The following CTR9 variants were observed in gnomAD, a reference collection of about 807,000 sequenced individuals.
CTR9 encodes the protein RNA polymerase-associated protein CTR9 homolog.
A neutral mutation model predicts 152.1 loss-of-function variants in CTR9; 41 were observed. The observed-to-expected ratio is 0.27, with a 90% confidence interval of 0.21 to 0.35. The LOEUF (loss-of-function observed/expected upper bound fraction) is 0.35, where lower values mean the gene tolerates loss of function less well. Among genes scored for constraint, CTR9 ranks in the 10% least tolerant of loss-of-function variants. CTR9 has a pLI of 1.00. For synonymous variants in CTR9, 476 were observed against 496.2 expected, an observed-to-expected ratio of 0.96 and a Z score of 0.54; for missense variants, 917 against 1,424.4, an observed-to-expected ratio of 0.64 and a Z score of 5.73.
rs1316300982 is a variant in CTR9, at chr11:10,766,451, G to A, written c.1647G>A (p.Glu549=). 2 of 1,610,832 alleles carry A rather than the reference G, an allele frequency of 1.2e-6. No homozygotes were observed. Among genetic ancestry groups the A allele is most frequent in the East Asian group, 4.5e-5 (2 of 44,770 alleles). The change falls in exon 13 of 25, where the codon GAG becomes GAA. Residue 549 remains glutamate (E), a synonymous_variant. Transcript: ENST00000361367. ...AMARDKGNFY[E]ASDWFKEALQ... is the part of the protein sequence containing the mutation. ...CTAGAGATAAGGGAAACTTTTATGA[G>A]GCTTCAGATTGGTTTAAGGAAGCTC...
chr11:10,774,006 T>C lies in CTR9; in HGVS notation c.2728-6T>C. On this transcript the variant is annotated splice_polypyrimidine_tract_variant and splice_region_variant and intron_variant, in intron 21 of 24. Coordinates refer to ENST00000361367, the MANE Select transcript of CTR9 (RefSeq NM_014633.5). ...ATAACTGACTATAGTGTTGTTTGGA[T>C]TTTAGCGTTCTAAGAAGGGAGGAGA... is the stretch of plus-strand genomic sequence containing the variant. The C allele has an allele frequency of 6.2e-7, 1 of 1,607,282 alleles. No individual in the cohort carries two copies.
chr11:10,752,064 T>C (rs1862811810), intron 1 of CTR9, among the ~76,000 whole-genome samples: 1 of 152,254 alleles, frequency 6.6e-6, no homozygotes, highest in Non-Finnish European at 1.5e-5. Flanking sequence ...TCAGCTTTGA[T>C]GTTCAGTCTT....
At position 10,760,292 on chromosome 11, in the gene CTR9, C is replaced by T; in HGVS notation, c.712C>T (p.Leu238=). ...NSKCVGALVG[L]AVLELNNKEA... is the part of the protein sequence containing the mutation. ...CAAATGCGTGGGAGCATTGGTTGGACTGGCTGTTCTAGAACTCAACAATAA... is the reference window on the plus strand; with the variant it reads ...CAAATGCGTGGGAGCATTGGTTGGATTGGCTGTTCTAGAACTCAACAATAA... Residue 238 remains leucine, a synonymous_variant, in exon 6 of 25, where the codon CTG becomes TTG. Transcript: ENST00000361367. 1 of 1,614,012 alleles carries T rather than the reference C, an allele frequency of 6.2e-7. No individual in the cohort carries two copies. The highest frequency in any genetic ancestry group is 2.2e-5 in the East Asian group (1 of 44,870).
chr11:10,762,122 T>C (rs1862988067), intron 7 of CTR9, 68 bp downstream of exon 7: 2 of 991,874 alleles, frequency 2.0e-6, no homozygotes, highest in Non-Finnish European at 3.0e-6. Context: ...TTTATTTCTT[T>C]TTTAAACTTG....
At chr11:10,770,055 C>A (rs1590024779) in intron 16 of CTR9, among the ~76,000 whole-genome samples, 155 bp from the exon 17 acceptor site, 1 of 152,146 alleles carries the variant, frequency 6.6e-6, no homozygotes, top group East Asian at 1.9e-4. Context: ...TGATGAATGT[C>A]AAAAATCATT....
Position 10,770,560 on chromosome 11 carries a change from C to G in CTR9, c.2300C>G (p.Ser767Cys). ...VALVLQRLAT[S>C]VLKDEKSNLK... ...TTGGTCCTGCAAAGATTAGCTACCT[C>G]TGTCCTGAAAGATGAAAAAAGTAAT... Residue 767 changes from serine (S) to cysteine (C), a missense_variant, in exon 18 of 25, where the codon TCT becomes TGT. Physicochemically the swap from Ser to Cys is moderately radical, Grantham distance 112. Coordinates refer to ENST00000361367, the MANE Select transcript of CTR9 (RefSeq NM_014633.5). 6.2e-7 allele frequency: 1 copy of G among 1,613,956 alleles called. No individual in the cohort carries two copies. The highest frequency in any genetic ancestry group is 1.3e-5 in the African/African-American group (1 of 75,030).
chr11:10,773,903 ATC>A, intron 21 of CTR9, 107 bp from the exon 22 acceptor site: 1 of 731,556 alleles, frequency 1.4e-6, no homozygotes, highest in Non-Finnish European at 2.1e-6. Flanking sequence ...AAAAAAAAAA[ATC>A]CTTCATTGTC....
intron 12 of CTR9, 86 bp downstream of exon 12, chr11:10,764,817 T>C (rs1442743717): frequency 1.6e-6 from 2 of 1,261,572 alleles, no homozygotes; most frequent in African/African-American, 1.5e-5. Context: ...AATTTAGAAT[T>C]GATAGTAAAA....
intron 24 of CTR9, 68 bp downstream of exon 24, chr11:10,775,701 C>A: frequency 2.0e-6 from 2 of 983,166 alleles, no homozygotes; most frequent in Non-Finnish European, 3.1e-6. Context: ...ACTAATCAGC[C>A]TGTCTGTACT....
chr11:10,779,134 T>G lies in CTR9; in HGVS notation c.*29T>G. ...TTATTTCATCAATAAGCTTCATCTCTGGAGGAAACTTTTTTAATATATGAA... is the reference window on the plus strand; with the variant it reads ...TTATTTCATCAATAAGCTTCATCTCGGGAGGAAACTTTTTTAATATATGAA... On this transcript the variant is annotated 3_prime_UTR_variant, in exon 25 of 25. Coordinates refer to ENST00000361367, the MANE Select transcript of CTR9 (RefSeq NM_014633.5). 1 of 1,542,936 alleles carries G rather than the reference T, an allele frequency of 6.5e-7. No homozygotes were observed. The highest frequency in any genetic ancestry group is 8.7e-7 in the Non-Finnish European group (1 of 1,143,356).
Position 10,763,556 on chromosome 11 carries a change from C to T in CTR9, c.957+18C>T. The T allele has an allele frequency of 6.3e-7, 1 of 1,580,256 alleles. No homozygotes were observed. On this transcript the variant is annotated intron_variant, in intron 8 of 24. Transcript: ENST00000361367. ...ATGTTCAGGTAATTTTATAACTTCTCTAAATGTCTAATCTTTTTACTTATA... is the reference window on the plus strand; with the variant it reads ...ATGTTCAGGTAATTTTATAACTTCTTTAAATGTCTAATCTTTTTACTTATA...
chr11:10,766,794 A>G (rs1863067128), intron 13 of CTR9, among the ~76,000 whole-genome samples: 1 of 152,030 alleles, frequency 6.6e-6, no homozygotes. Flanking sequence ...TACTCTCACT[A>G]GTTTACTTCA....
Position 10,767,502 on chromosome 11 carries a change from T to G in CTR9, c.1687-304T>G, listed in dbSNP as rs1811655. The G allele has an allele frequency of 0.78, 197,007 of 252,600 alleles. 81,516 individuals carry two copies. Among genetic ancestry groups the G allele is most frequent in the Non-Finnish European group, 0.88 (114,141 of 129,882 alleles). 15.6% of individuals were successfully genotyped at this position (252,600 alleles called of 1,614,324 possible). A position where few individuals can be genotyped will look rare whatever the true frequency, so the allele number is the denominator to read the frequency against. On this transcript the variant is annotated intron_variant, in intron 13 of 24. Transcript: ENST00000361367. The surrounding 1 kb of genome is among the most constrained non-coding windows in gnomAD (Gnocchi z 4.0). ...TATGTCTGGATGTAAAGATTGTGTG[T>G]CTATCCAACAGGGAGCCACAGTATT...
At chr11:10,775,684 AGTGATTACTAATCAGCCTGTCT>A (rs778458130) in intron 24 of CTR9, 51 bp downstream of exon 24, 386 of 1,213,558 alleles carry the variant, frequency 3.2e-4, no homozygotes, top group Non-Finnish European at 4.2e-4. Context: ...ATAAATCAAA[AGTGATTACTAATCAGCCTGTCT>A]GTACTAAGAA....
chr11:10,755,391 T>C lies in CTR9; in HGVS notation c.384+194T>C, dbSNP rs117966147. Among the ~76,000 whole-genome samples the C allele has an allele frequency of 0.023, 3,578 of 152,338 alleles. 63 individuals carry two copies. The highest frequency in any genetic ancestry group is 0.048 in the Middle Eastern group (14 of 294). ...ACTGTTTAAGTAATATGGACAAATG[T>C]AGTACATAAAACTTGCTCCAGTAAT... On this transcript the variant is annotated intron_variant, in intron 3 of 24. Transcript: ENST00000361367.
intron 2 of CTR9, among the ~76,000 whole-genome samples, chr11:10,753,773 G>A (rs907105897): frequency 6.6e-6 from 1 of 151,564 alleles, no homozygotes; most frequent in Non-Finnish European, 1.5e-5. Context: ...GATTAGCATG[G>A]CACCTGTAGT....
At chr11:10,762,092 T>C (rs747191546) in intron 7 of CTR9, 38 bp downstream of exon 7, 2 of 1,198,026 alleles carry the variant, frequency 1.7e-6, no homozygotes, top group Non-Finnish European at 2.4e-6. Flanking sequence ...ATTTTTGTTT[T>C]TCTGTACTGC....
Position 10,763,628 on chromosome 11 carries a change from A to T in CTR9, c.958-15A>T. ...CTTTTGTACATATTGGTCTTTTTTA[A>T]TTTTCATTCTTTAGGAAGATTATGA... On this transcript the variant is annotated splice_polypyrimidine_tract_variant and intron_variant, in intron 8 of 24. Transcript: ENST00000361367. 6.3e-7 allele frequency: 1 copy of T among 1,584,362 alleles called. No homozygotes were observed. The highest frequency in any genetic ancestry group is 1.4e-5 in the African/African-American group (1 of 72,920).
At chr11:10,757,911 T>C (rs968123897) in intron 5 of CTR9, among the ~76,000 whole-genome samples, 1 of 152,134 alleles carries the variant, frequency 6.6e-6, no homozygotes, top group African/African-American at 2.4e-5. Context: ...TCAGAGATAG[T>C]GACATTTGTG....
Sources: allele counts gnomAD v4.1 joint callset (sites outside exome capture counted in the v4.1 genomes callset), GRCh38; gene constraint gnomAD v4.1.1; non-coding constraint Gnocchi (gnomAD v3.1); transcripts MANE v1.5; gene names NCBI Gene and HGNC (gene_info 2026-07-23, HGNC 2026-07-21).